ATXN1: variants seen among roughly 807,000 people sequenced by gnomAD.
The protein encoded by ATXN1 is ataxin 1, also known as ataxin-1.
ATXN1 carries 8 observed loss-of-function variants against 56.4 expected under a neutral mutation model. The observed-to-expected ratio is 0.14, with a 90% CI of 0.08 to 0.26. The LOEUF is 0.26. Among genes scored for constraint, ATXN1 ranks in the 10% least tolerant of loss-of-function variants. The pLI is 1.00. For missense variants in ATXN1, 987 were observed against 1,106.5 expected (o/e 0.89, Z 1.53); for synonymous variants, 514 against 494.6 (o/e 1.04, Z -0.52).
intron 3 of ATXN1, among the ~76,000 whole-genome samples, chr6:16,605,679 G>C (rs1294534340): frequency 6.6e-6 from 1 of 152,198 alleles, no homozygotes; most frequent in African/African-American, 2.4e-5. Context: ...CTCTCAGTAA[G>C]AAGATTAGCA....
Position 16,306,261 on chromosome 6 carries a change from G to A in ATXN1, c.*68C>T. The A allele has an allele frequency of 6.8e-7, 1 of 1,478,692 alleles. No homozygotes were observed. Among genetic ancestry groups the A allele is most frequent in the South Asian group, 1.3e-5 (1 of 74,348 alleles). The allele number at this position is 1,478,692 out of a possible 1,614,324, so 91.6% of individuals were successfully genotyped here. A position where few individuals can be genotyped will look rare whatever the true frequency, so the allele number is the denominator to read the frequency against. On this transcript the variant is annotated 3_prime_UTR_variant, in exon 8 of 8. Transcript: ENST00000436367. The surrounding 1 kb of genome is among the most constrained non-coding windows in gnomAD (Gnocchi z 5.2). ...AACATGTAAATACTGTGTTATTTTA[G>A]CCTACAGTACAGTAATCTGGATACA...
At chr6:16,714,543 C>A (rs1165011608) in intron 2 of ATXN1, among the ~76,000 whole-genome samples, 1 of 152,142 alleles carries the variant, frequency 6.6e-6, no homozygotes, top group African/African-American at 2.4e-5. Context: ...AAGTAAAAAC[C>A]TCCCAGCTGA....
intron 5 of ATXN1, among the ~76,000 whole-genome samples, chr6:16,520,661 G>A (rs1761270481): frequency 6.6e-6 from 1 of 152,184 alleles, no homozygotes; most frequent in African/African-American, 2.4e-5. Context: ...AGTCCCCAGA[G>A]AGCAACAGGT....
intron 4 of ATXN1, among the ~76,000 whole-genome samples, chr6:16,530,442 TG>T (rs1445003108): frequency 1.3e-5 from 2 of 152,200 alleles, no homozygotes; most frequent in Non-Finnish European, 2.9e-5. Flanking sequence ...TACGATTCCA[TG>T]GAAGGGTTAA....
chr6:16,563,922 A>G (rs1762166509), intron 4 of ATXN1, among the ~76,000 whole-genome samples: 1 of 152,180 alleles, frequency 6.6e-6, no homozygotes, highest in Non-Finnish European at 1.5e-5. Context: ...ACTTTTTAGG[A>G]TACAATTGGG....
At chr6:16,569,669 G>A (rs1269974792) in intron 4 of ATXN1, among the ~76,000 whole-genome samples, 1 of 152,294 alleles carries the variant, frequency 6.6e-6, no homozygotes, top group South Asian at 2.1e-4. Context: ...GATGACGTCA[G>A]GAAGGTATCC....
intron 2 of ATXN1, among the ~76,000 whole-genome samples, chr6:16,669,994 A>G (rs976827045): frequency 6.6e-6 from 1 of 152,046 alleles, no homozygotes; most frequent in South Asian, 2.1e-4. Flanking sequence ...CAACCAAGAA[A>G]GGGTAAGCCA....
chr6:16,572,717 G>A (rs944973862), intron 4 of ATXN1, among the ~76,000 whole-genome samples: 5 of 152,194 alleles, frequency 3.3e-5, no homozygotes, highest in African/African-American at 1.2e-4. Flanking sequence ...TTCAGGGTGT[G>A]CTCACTAGGT....
chr6:16,703,899 A>G (rs1252114778), intron 2 of ATXN1, among the ~76,000 whole-genome samples: 2 of 152,186 alleles, frequency 1.3e-5, no homozygotes, highest in African/African-American at 4.8e-5. Context: ...CACGCCTGTA[A>G]TCCCAGCTAC....
chr6:16,379,192 T>C (rs1762202073), intron 6 of ATXN1, among the ~76,000 whole-genome samples: 1 of 152,174 alleles, frequency 6.6e-6, no homozygotes, highest in South Asian at 2.1e-4. Flanking sequence ...TTCTCACTGA[T>C]ATGTGAGAGC....
At chr6:16,447,516 A>G (rs1759659992) in intron 6 of ATXN1, among the ~76,000 whole-genome samples, 1 of 151,990 alleles carries the variant, frequency 6.6e-6, no homozygotes, top group Non-Finnish European at 1.5e-5. Flanking sequence ...TAGCCACCAC[A>G]CCCTGCCTAT....
intron 5 of ATXN1, among the ~76,000 whole-genome samples, chr6:16,492,444 A>G (rs1760686896): frequency 6.6e-6 from 1 of 152,078 alleles, no homozygotes. Context: ...ATAAAAAATA[A>G]AAAAAGAAAA....
rs1028118385 is a variant in ATXN1, at chr6:16,299,775, C to T, written c.*6554G>A. ...ACAGGACTATCTTGAAACCTCCTTT[C>T]GGCTGACACTAATTTGGGTTTAGAG... On this transcript the variant is annotated 3_prime_UTR_variant, in exon 8 of 8. Coordinates refer to ENST00000436367, the MANE Select transcript of ATXN1 (RefSeq NM_001128164.2). 3 of 152,634 alleles carry T rather than the reference C, an allele frequency of 2.0e-5. No homozygotes were observed. Among genetic ancestry groups the T allele is most frequent in the Non-Finnish European group, 2.9e-5 (2 of 68,040 alleles). The allele number at this position is 152,634 out of a possible 1,614,324, so 9.5% of individuals were successfully genotyped here. A position where few individuals can be genotyped will look rare whatever the true frequency, so the allele number is the denominator to read the frequency against.
intron 5 of ATXN1, among the ~76,000 whole-genome samples, chr6:16,497,355 C>G (rs1358707157): frequency 6.6e-6 from 1 of 151,700 alleles, no homozygotes; most frequent in Non-Finnish European, 1.5e-5. Flanking sequence ...CTGACCCCAG[C>G]AGAAAAAGAG....
At position 16,327,867 on chromosome 6, in the gene ATXN1, G is replaced by A. The variant is rs370241100; in HGVS notation, c.444C>T (p.Ile148=). The A allele has an allele frequency of 2.5e-6, 4 of 1,607,242 alleles. No individual in the cohort carries two copies. Among genetic ancestry groups the A allele is most frequent in the Non-Finnish European group, 3.4e-6 (4 of 1,179,914 alleles). Reference sequence around the variant, plus strand: ...TGGTGACGGGGTTGGCGGTTGGGGGGATCAGCTGTGATGGGATGAAGCTGG... The same window carrying A: ...TGGTGACGGGGTTGGCGGTTGGGGGAATCAGCTGTGATGGGATGAAGCTGG... ...TYASFIPSQL[I]PPTANPVTSA... The change falls in exon 7 of 8, where the codon ATC becomes ATT. Residue 148 remains isoleucine, a synonymous_variant. Coordinates refer to ENST00000436367, the MANE Select transcript of ATXN1 (RefSeq NM_001128164.2).
At chr6:16,334,864 G>C (rs1228581833) in intron 6 of ATXN1, among the ~76,000 whole-genome samples, 3 of 152,204 alleles carry the variant, frequency 2.0e-5, no homozygotes, top group Non-Finnish European at 4.4e-5. Context: ...TTGCGCAAGA[G>C]GTCTGGAGGC....
intron 3 of ATXN1, among the ~76,000 whole-genome samples, chr6:16,620,026 T>C (rs1309878805): frequency 2.6e-5 from 4 of 152,182 alleles, no homozygotes; most frequent in Non-Finnish European, 5.9e-5. Flanking sequence ...GCTGTGGCAA[T>C]TGAATTTTAC....
At chr6:16,632,254 C>T (rs1763517283) in intron 3 of ATXN1, among the ~76,000 whole-genome samples, 1 of 152,160 alleles carries the variant, frequency 6.6e-6, no homozygotes. Flanking sequence ...CAGTGAGACA[C>T]ATCCTGAATC....
chr6:16,655,892 C>T lies in ATXN1; in HGVS notation c.-489+1884G>A, dbSNP rs893189359. Among the ~76,000 whole-genome samples, 120 of 151,708 alleles carry T rather than the reference C, an allele frequency of 7.9e-4. 2 individuals are homozygous for T. The highest frequency in any genetic ancestry group is 7.3e-3 in the Admixed American group (112 of 15,246). Reference sequence around the variant, plus strand: ...ATCACCTGAGGTGAGGAGATCGAGACCATCCTGGCTAACATGGTGAAACCC... The same window carrying T: ...ATCACCTGAGGTGAGGAGATCGAGATCATCCTGGCTAACATGGTGAAACCC... On this transcript the variant is annotated intron_variant, in intron 3 of 7. Transcript: ENST00000436367.
Sources: gnomAD v4.1 joint callset for allele counts (sites outside exome capture counted in the v4.1 genomes callset) on GRCh38, gnomAD v4.1.1 for gene constraint, Gnocchi (gnomAD v3.1) non-coding constraint, MANE v1.5 for transcripts, NCBI Gene and HGNC (gene_info 2026-07-23, HGNC 2026-07-21) for gene names.